CCDC186: variants seen among roughly 807,000 people sequenced by gnomAD.
CCDC186 encodes the protein coiled-coil domain-containing protein 186.
Under a neutral mutation model 113.7 loss-of-function variants are expected in CCDC186, and 49 were observed. The observed-to-expected ratio is 0.43, with a 90% CI of 0.34 to 0.55. The LOEUF (loss-of-function observed/expected upper bound fraction) is 0.55, where lower values mean the gene tolerates loss of function less well. Ranked by LOEUF, CCDC186 falls within the 20% of genes least tolerant of loss-of-function variation. CCDC186 has a pLI of 0.02. For missense variants in CCDC186, 890 were observed against 1,011.1 expected (o/e 0.88, Z 1.62); for synonymous variants, 355 against 345.8 (o/e 1.03, Z -0.30).
intron 3 of CCDC186, among the ~76,000 whole-genome samples, chr10:114,156,370 C>CT (rs2032010248): frequency 6.6e-6 from 1 of 152,222 alleles, no homozygotes. Context: ...AGCAACTCAG[C>CT]TTTCCTATTA....
At chr10:114,149,219 T>A (rs893795981) in intron 4 of CCDC186, among the ~76,000 whole-genome samples, 1 of 152,148 alleles carries the variant, frequency 6.6e-6, no homozygotes, top group Admixed American at 6.5e-5. Flanking sequence ...CAGCTAAAAG[T>A]CAGTACATCA....
intron 6 of CCDC186, among the ~76,000 whole-genome samples, chr10:114,139,890 C>CA: frequency 6.6e-6 from 1 of 152,128 alleles, no homozygotes; most frequent in Non-Finnish European, 1.5e-5. Context: ...TTCATTCGCT[C>CA]AAAAAATAGC....
At chr10:114,171,103 C>G (rs569592173) in intron 1 of CCDC186, among the ~76,000 whole-genome samples, 1 of 152,242 alleles carries the variant, frequency 6.6e-6, no homozygotes, top group South Asian at 2.1e-4. Context: ...ATACAGAAAT[C>G]TAATTTGAAG....
intron 1 of CCDC186, among the ~76,000 whole-genome samples, chr10:114,164,137 T>G (rs867500471): frequency 0.027 from 3,724 of 139,930 alleles, 77 homozygotes; most frequent in Non-Finnish European, 0.045. Flanking sequence ...TTTTTTTTTT[T>G]GGGATAGAGT....
chr10:114,134,843 AT>A, intron 10 of CCDC186, 69 bp downstream of exon 10: 1 of 1,529,320 alleles, frequency 6.5e-7, no homozygotes, highest in Non-Finnish European at 8.7e-7. Flanking sequence ...CAATAACTGC[AT>A]TTAGAAAATC....
At position 114,123,509 on chromosome 10, in the gene CCDC186, G is replaced by C. The variant is rs553721390; in HGVS notation, c.*1634C>G. The stretch of plus-strand genomic sequence containing the variant: ...TTTAGAGCCCAAACAATTCTTTACA[G>C]GCTTTTAATCCATCATCCCAAAACT... On this transcript the variant is annotated 3_prime_UTR_variant, in exon 16 of 16. Coordinates refer to ENST00000369287, the MANE Select transcript of CCDC186 (RefSeq NM_018017.4). The C allele has an allele frequency of 6.6e-6, 1 of 152,168 alleles. No homozygotes were observed. The highest frequency in any genetic ancestry group is 1.9e-4 in the East Asian group (1 of 5,178). 9.4% of individuals were successfully genotyped at this position (152,168 alleles called of 1,614,324 possible).
chr10:114,135,572 T>G (rs2031232956), intron 9 of CCDC186, among the ~76,000 whole-genome samples: 1 of 152,186 alleles, frequency 6.6e-6, no homozygotes, highest in Admixed American at 6.5e-5. Context: ...TCTGACACAG[T>G]TCTAAGGTCC....
chr10:114,160,642 TA>T (rs2032144154), intron 2 of CCDC186, among the ~76,000 whole-genome samples: 1 of 152,104 alleles, frequency 6.6e-6, no homozygotes, highest in African/African-American at 2.4e-5. Context: ...TCTTTAAATA[TA>T]TACAATTTTA....
chr10:114,167,684 G>A (rs1385253321), intron 1 of CCDC186, among the ~76,000 whole-genome samples: 1 of 150,852 alleles, frequency 6.6e-6, no homozygotes, highest in East Asian at 2.0e-4. Flanking sequence ...AAGAAGTGCT[G>A]ATACACTGGG....
At position 114,162,974 on chromosome 10, in the gene CCDC186, C is replaced by T; in HGVS notation, c.295G>A (p.Gly99Arg). ...NSEQIANFPS[G>R]NFAKHISKTN... ...TTTGAAATATGTTTAGCAAAATTTC[C>T]ACTAGGAAAATTAGCTATTTGTTCA... The change falls in exon 2 of 16, where the codon GGA (glycine) becomes AGA (arginine). Residue 99 changes from glycine (G) to arginine (R), a missense_variant. Coordinates refer to ENST00000369287, the MANE Select transcript of CCDC186 (RefSeq NM_018017.4). 1 of 1,613,470 alleles carries T rather than the reference C, an allele frequency of 6.2e-7. No individual in the cohort carries two copies. The highest frequency in any genetic ancestry group is 8.5e-7 in the Non-Finnish European group (1 of 1,179,874).
At chr10:114,165,993 G>T in intron 1 of CCDC186, 1 of 933,880 alleles carries the variant, frequency 1.1e-6, no homozygotes, top group Non-Finnish European at 1.3e-6. Context: ...GCTAGAACCT[G>T]TCTTAATTTC....
intron 2 of CCDC186, among the ~76,000 whole-genome samples, chr10:114,160,629 AC>A (rs56135227): frequency 1 from 152,311 of 152,312 alleles, 76,155 homozygotes; most frequent in Non-Finnish European, 1. Context: ...ATCACATTGT[AC>A]CTCTTTAAAT....
intron 2 of CCDC186, among the ~76,000 whole-genome samples, chr10:114,160,451 AATAT>A (rs2032138521): frequency 6.6e-6 from 1 of 152,166 alleles, no homozygotes; most frequent in South Asian, 2.1e-4. Context: ...CTGGGGATCT[AATAT>A]ACTCCATGGT....
At chr10:114,146,399 T>C (rs1047796785) in intron 4 of CCDC186, among the ~76,000 whole-genome samples, 1 of 152,226 alleles carries the variant, frequency 6.6e-6, no homozygotes, top group Non-Finnish European at 1.5e-5. Context: ...AAGTGTGCCA[T>C]CTGTTTTCTG....
Position 114,144,555 on chromosome 10 carries a change from T to C in CCDC186, c.1163A>G (p.His388Arg). The change falls in exon 6 of 16, where the codon CAC (histidine) becomes CGC (arginine). Residue 388 changes from histidine (H) to arginine (R), a missense_variant. Physicochemically the swap from His to Arg is conservative, Grantham distance 29 (BLOSUM62 0). Transcript: ENST00000369287. ...TTGTGCCCACTTTACTTTGATGACG[T>C]GAGAGTTAATGTCTTCCTTTAATTT... ...IDKLKEDINS[H>R]VIKVKWAQNK... is the part of the protein sequence containing the mutation. 1 of 1,612,268 alleles carries C rather than the reference T, an allele frequency of 6.2e-7. No individual in the cohort carries two copies. The highest frequency in any genetic ancestry group is 8.5e-7 in the Non-Finnish European group (1 of 1,178,500).
chr10:114,163,960 CAA>C (rs1455380786), intron 1 of CCDC186, among the ~76,000 whole-genome samples: 2 of 151,044 alleles, frequency 1.3e-5, no homozygotes, highest in Non-Finnish European at 2.9e-5. Flanking sequence ...TGGTGATTTT[CAA>C]ACATTCTCAT....
At chr10:114,135,807 T>A in intron 9 of CCDC186, 84 bp downstream of exon 9, 4 of 1,086,594 alleles carry the variant, frequency 3.7e-6, no homozygotes, top group Non-Finnish European at 5.5e-6. Flanking sequence ...TAATGTCCTT[T>A]CCCCACCACT....
intron 6 of CCDC186, among the ~76,000 whole-genome samples, chr10:114,139,379 A>G (rs2031386958): frequency 1.3e-5 from 2 of 152,186 alleles, no homozygotes; most frequent in East Asian, 1.9e-4. Flanking sequence ...CCCTGCCAAC[A>G]TGGCAAAACC....
Position 114,126,162 on chromosome 10 carries a change from T to C in CCDC186, c.2394-57A>G, listed in dbSNP as rs545370519. 9 of 1,339,818 alleles carry C rather than the reference T, an allele frequency of 6.7e-6. No homozygotes were observed. In the African/African-American group the frequency reaches 1.2e-4, roughly 18 times the overall value. 83.0% of individuals were successfully genotyped at this position (1,339,818 alleles called of 1,614,324 possible). On this transcript the variant is annotated intron_variant, in intron 14 of 15. Coordinates refer to ENST00000369287, the MANE Select transcript of CCDC186 (RefSeq NM_018017.4). ...ACTTGTAGAATTAAAAAAAATGGAA[T>C]CTGCAAAAGTCAACTAATCATAAAG...
Sources: gnomAD v4.1 joint callset for allele counts (sites outside exome capture counted in the v4.1 genomes callset) on GRCh38, gnomAD v4.1.1 for gene constraint, MANE v1.5 for transcripts, NCBI Gene and HGNC (gene_info 2026-07-23, HGNC 2026-07-21) for gene names.